UNC5C: variants seen among roughly 807,000 people sequenced by gnomAD.
UNC5C encodes the protein netrin receptor UNC5C.
In UNC5C, 47 loss-of-function variants were observed where a neutral mutation model predicts 99.8. The observed-to-expected ratio is 0.47, with a 90% CI of 0.37 to 0.60. UNC5C has a LOEUF of 0.60. Ranked by LOEUF, UNC5C falls within the 20% of genes least tolerant of loss-of-function variation. UNC5C has a pLI of 0.00. For missense variants in UNC5C, 1,062 were observed against 1,165.9 expected, an observed-to-expected ratio of 0.91 and a Z score of 1.30; for synonymous variants, 487 against 452.2, an observed-to-expected ratio of 1.08 and a Z score of -0.98.
intron 1 of UNC5C, among the ~76,000 whole-genome samples, chr4:95,530,540 C>T (rs906678008): frequency 6.6e-6 from 1 of 152,196 alleles, no homozygotes; most frequent in African/African-American, 2.4e-5. Context: ...GTCTATGCCT[C>T]ATACAACAGA....
At chr4:95,308,751 C>CAAAAAAAAAAA (rs59626139) in intron 2 of UNC5C, among the ~76,000 whole-genome samples, 22 of 34,396 alleles carry the variant, frequency 6.4e-4, no homozygotes, top group Middle Eastern at 0.029. Flanking sequence ...GACTCTGTCT[C>CAAAAAAAAAAA]AAAAAAAAAA....
intron 3 of UNC5C, among the ~76,000 whole-genome samples, chr4:95,292,946 G>A (rs1341695308): frequency 6.6e-6 from 1 of 152,082 alleles, no homozygotes; most frequent in Non-Finnish European, 1.5e-5. Flanking sequence ...TATGGCAGAT[G>A]GTTAACTCAA....
chr4:95,431,818 G>C (rs987796064), intron 1 of UNC5C, among the ~76,000 whole-genome samples: 1 of 151,860 alleles, frequency 6.6e-6, no homozygotes, highest in African/African-American at 2.4e-5. Context: ...GAAACACAGG[G>C]GACTTAAGAC....
At chr4:95,309,099 A>G (rs1742175410) in intron 2 of UNC5C, among the ~76,000 whole-genome samples, 1 of 152,176 alleles carries the variant, frequency 6.6e-6, no homozygotes, top group Non-Finnish European at 1.5e-5. Context: ...GACCAATGGA[A>G]CAAAATAGCT....
At chr4:95,417,883 C>T (rs994369322) in intron 1 of UNC5C, among the ~76,000 whole-genome samples, 2 of 152,190 alleles carry the variant, frequency 1.3e-5, no homozygotes, top group African/African-American at 4.8e-5. Flanking sequence ...TAATACAAAG[C>T]AATTGAAATT....
chr4:95,434,664 T>C (rs574088895), intron 1 of UNC5C, among the ~76,000 whole-genome samples: 1 of 152,194 alleles, frequency 6.6e-6, no homozygotes, highest in East Asian at 1.9e-4. Context: ...TAATAAGGTG[T>C]CAGAGTGACT....
At chr4:95,481,150 C>T (rs1438995909) in intron 1 of UNC5C, among the ~76,000 whole-genome samples, 1 of 151,936 alleles carries the variant, frequency 6.6e-6, no homozygotes, top group Non-Finnish European at 1.5e-5. Context: ...TGATAAGAAA[C>T]TTCAGCAAAG....
chr4:95,287,191 C>A (rs1249588452), intron 3 of UNC5C, among the ~76,000 whole-genome samples: 1 of 152,174 alleles, frequency 6.6e-6, no homozygotes, highest in Non-Finnish European at 1.5e-5. Flanking sequence ...CATAACATTT[C>A]ATAAATTCAT....
chr4:95,349,906 G>C (rs1743924438), intron 1 of UNC5C, among the ~76,000 whole-genome samples: 1 of 151,960 alleles, frequency 6.6e-6, no homozygotes, highest in Non-Finnish European at 1.5e-5. Flanking sequence ...AATCAATATT[G>C]GTTGATCACT....
At chr4:95,300,151 C>T (rs149616465) in intron 3 of UNC5C, among the ~76,000 whole-genome samples, 248 of 152,226 alleles carry the variant, frequency 1.6e-3, no homozygotes, top group Middle Eastern at 6.8e-3. Flanking sequence ...TGGATTTCAG[C>T]GCTTTCTCAT....
intron 3 of UNC5C, among the ~76,000 whole-genome samples, chr4:95,301,195 A>ATTTTTTT (rs34905310): frequency 7.9e-6 from 1 of 125,842 alleles, no homozygotes; most frequent in Non-Finnish European, 1.6e-5. Flanking sequence ...TTTTTCCAGG[A>ATTTTTTT]TTTTTTTTTT....
At position 95,170,222 on chromosome 4, in the gene UNC5C, G is replaced by A. The variant is rs1473321989; in HGVS notation, c.2562C>T (p.Ser854=). 1.9e-6 allele frequency: 3 copies of A among 1,614,184 alleles called. No homozygotes were observed. Among genetic ancestry groups the A allele is most frequent in the East Asian group, 2.2e-5 (1 of 44,868 alleles). ...IPLPIRQKLC[S]SLDAPQTRGH... Reference sequence around the variant, plus strand: ...CTCTCGTCTGGGGGGCATCCAGGCTGCTACAGAGCTTCTGCCGGATAGGGA... The same window carrying A: ...CTCTCGTCTGGGGGGCATCCAGGCTACTACAGAGCTTCTGCCGGATAGGGA... The change falls in exon 15 of 16, where the codon AGC becomes AGT. Residue 854 remains serine, a synonymous_variant. Coordinates refer to ENST00000453304, the MANE Select transcript of UNC5C (RefSeq NM_003728.4).
intron 9 of UNC5C, 70 bp from the exon 10 acceptor site, chr4:95,216,281 G>A (rs910962524): frequency 9.0e-6 from 11 of 1,225,822 alleles, no homozygotes; most frequent in African/African-American, 1.5e-5. Flanking sequence ...AGGAGATTTT[G>A]TGACCGCGCA....
chr4:95,200,815 AG>A (rs2149359760), intron 12 of UNC5C, among the ~76,000 whole-genome samples: 1 of 152,248 alleles, frequency 6.6e-6, no homozygotes, highest in East Asian at 1.9e-4. Context: ...CCTCTAATTC[AG>A]TATTCCAAAA....
intron 3 of UNC5C, among the ~76,000 whole-genome samples, chr4:95,301,191 C>A: frequency 7.4e-6 from 1 of 134,804 alleles, no homozygotes; most frequent in Non-Finnish European, 1.6e-5. Flanking sequence ...AGTTTTTTTC[C>A]AGGATTTTTT....
At chr4:95,395,912 C>T (rs1216032465) in intron 1 of UNC5C, among the ~76,000 whole-genome samples, 2 of 152,176 alleles carry the variant, frequency 1.3e-5, no homozygotes, top group Non-Finnish European at 2.9e-5. Flanking sequence ...GGCCTGTTGG[C>T]CTGTCTCTGG....
intron 10 of UNC5C, among the ~76,000 whole-genome samples, chr4:95,215,793 G>C (rs12108651): frequency 0.11 from 17,066 of 152,134 alleles, 1,304 homozygotes; most frequent in African/African-American, 0.21. Context: ...TGAGCCAGAT[G>C]CCATGAAGTC....
At chr4:95,548,014 A>G (rs1302085078) in intron 1 of UNC5C, among the ~76,000 whole-genome samples, 1 of 152,196 alleles carries the variant, frequency 6.6e-6, no homozygotes, top group Non-Finnish European at 1.5e-5. Flanking sequence ...TTGAACAAGC[A>G]GCCGGTTCCC....
intron 14 of UNC5C, among the ~76,000 whole-genome samples, chr4:95,177,207 G>A (rs146404884): frequency 1.7e-4 from 26 of 152,288 alleles, no homozygotes; most frequent in South Asian, 2.1e-4. Context: ...CATCTTATGC[G>A]TCGCTCACAC....
Sources: gnomAD v4.1 joint callset for allele counts (sites outside exome capture counted in the v4.1 genomes callset) on GRCh38, gnomAD v4.1.1 for gene constraint, MANE v1.5 for transcripts, NCBI Gene and HGNC (gene_info 2026-07-23, HGNC 2026-07-21) for gene names.